CCDC14: variants seen among roughly 807,000 people sequenced by gnomAD.
CCDC14 encodes coiled-coil domain containing 14.
In CCDC14, 71 loss-of-function variants were observed where a neutral mutation model predicts 81.4. The ratio of observed to expected loss-of-function variants is 0.87; its 90% CI spans 0.72 to 1.06. CCDC14 has a LOEUF of 1.06. Ranked by LOEUF, CCDC14 falls within the 50% of genes least tolerant of loss-of-function variation. The pLI is 0.00. For missense variants in CCDC14, 1,046 were observed against 1,047.3 expected, an observed-to-expected ratio of 1.00 and a Z score of 0.02; for synonymous variants, 332 against 364.8, an observed-to-expected ratio of 0.91 and a Z score of 1.03.
At chr3:123,947,370 GTATT>G in intron 7 of CCDC14, 51 bp from the exon 8 acceptor site, 1 of 1,342,740 alleles carries the variant, frequency 7.4e-7, no homozygotes, top group East Asian at 2.3e-5. Flanking sequence ...TCATTTGTAG[GTATT>G]AATTACAACA....
At chr3:123,907,010 A>G (rs1053680057) in intron 5 of CCDC14, among the ~76,000 whole-genome samples, 1 of 152,168 alleles carries the variant, frequency 6.6e-6, no homozygotes, top group Non-Finnish European at 1.5e-5. Flanking sequence ...CTTGGTTTCA[A>G]TAAATAGCTG....
downstream of CCDC14, among the ~76,000 whole-genome samples, chr3:123,908,488 A>G (rs930593656): frequency 1.3e-5 from 2 of 152,226 alleles, no homozygotes; most frequent in African/African-American, 4.8e-5. Flanking sequence ...CTGCTCTTCT[A>G]ATGCACCATG....
At chr3:123,906,057 G>A (rs567233985) in intron 5 of CCDC14, among the ~76,000 whole-genome samples, 18 of 152,122 alleles carry the variant, frequency 1.2e-4, no homozygotes, top group Non-Finnish European at 2.4e-4. Context: ...CAGGCCGGGC[G>A]CAGTGCTCAC....
In CCDC14 at chr3:123,947,313, G is replaced by C; in HGVS notation, c.691C>G (p.Gln231Glu). 6.2e-7 allele frequency: 1 copy of C among 1,603,908 alleles called. No individual in the cohort carries two copies. ...GCAAACTGACTGTTGCCATCAGTTT[G>C]AACTTCCTAAAGAAAGATAAAAACA... ...PCPPKVHSEV[Q>E]TDGNSQFASQ... is the part of the protein sequence containing the mutation. The change falls in exon 8 of 13, where the codon CAA becomes GAA. Residue 231 changes from glutamine (Q) to glutamate (E), a missense_variant. Transcript: ENST00000409697.
chr3:123,933,998 C>A (rs377148431), intron 9 of CCDC14, among the ~76,000 whole-genome samples: 1 of 152,008 alleles, frequency 6.6e-6, no homozygotes, highest in Non-Finnish European at 1.5e-5. Context: ...ATGGGCCAGG[C>A]GCGGTGGCTC....
At chr3:123,939,187 G>C (rs958640153) in intron 9 of CCDC14, among the ~76,000 whole-genome samples, 1 of 151,616 alleles carries the variant, frequency 6.6e-6, no homozygotes, top group Non-Finnish European at 1.5e-5. Context: ...AGAGATTCTC[G>C]GGGCATACTT....
At chr3:123,891,257 T>G in the CCDC14 span, among the ~76,000 whole-genome samples, 1 of 152,228 alleles carries the variant, frequency 6.6e-6, no homozygotes, top group Non-Finnish European at 1.5e-5. Flanking sequence ...GGAGACATTT[T>G]CCCCATTGTC....
intron 9 of CCDC14, among the ~76,000 whole-genome samples, chr3:123,934,222 A>G (rs2035921958): frequency 7.6e-6 from 1 of 132,186 alleles, no homozygotes. Context: ...GCAGTGAGTG[A>G]GATCGCACCA....
At chr3:123,907,470 G>A (rs1577206040) in intron 5 of CCDC14, among the ~76,000 whole-genome samples, 2 of 152,046 alleles carry the variant, frequency 1.3e-5, no homozygotes, top group East Asian at 3.9e-4. Flanking sequence ...CACATTGGGA[G>A]GCCAAGGCAT....
chr3:123,923,096 T>C (rs908190659), intron 12 of CCDC14, among the ~76,000 whole-genome samples: 4 of 152,260 alleles, frequency 2.6e-5, no homozygotes, highest in East Asian at 1.9e-4. Flanking sequence ...TTAAAGGGGA[T>C]TTACATTTGA....
chr3:123,931,306 AC>A lies in CCDC14; in HGVS notation c.1645+1del. 6.5e-7 allele frequency: 1 copy of A among 1,546,454 alleles called. No individual in the cohort carries two copies. The highest frequency in any genetic ancestry group is 1.2e-5 in the South Asian group (1 of 83,254). On this transcript the variant is annotated splice_donor_variant, in intron 11 of 12. Coordinates refer to ENST00000409697, the MANE Select transcript of CCDC14 (RefSeq NM_001366335.1). LOFTEE classifies it high-confidence loss of function. ...GACCATAACTACTGTCTAAATACGT[AC>A]CAATTTTTATTCTTGTTATCTCAAT...
chr3:123,917,897 AAT>A (rs3052363), intron 12 of CCDC14, among the ~76,000 whole-genome samples: 18,388 of 152,026 alleles, frequency 0.12, 2,668 homozygotes, highest in East Asian at 0.36. Flanking sequence ...TATATTAATA[AAT>A]ATATTAGTTA....
the CCDC14 span, among the ~76,000 whole-genome samples, chr3:123,891,075 A>G: frequency 3.9e-5 from 6 of 152,202 alleles, no homozygotes; most frequent in Non-Finnish European, 7.3e-5. Flanking sequence ...CCACAGCCCA[A>G]GCTCTATATT....
downstream of CCDC14, among the ~76,000 whole-genome samples, chr3:123,912,519 T>C (rs2034471481): frequency 6.6e-6 from 1 of 152,146 alleles, no homozygotes; most frequent in Admixed American, 6.5e-5. Context: ...TCCTCTGTAG[T>C]TCCTATTTGG....
intron 9 of CCDC14, among the ~76,000 whole-genome samples, chr3:123,934,786 A>C (rs1422935794): frequency 6.6e-6 from 1 of 152,158 alleles, no homozygotes; most frequent in East Asian, 1.9e-4. Flanking sequence ...TATTTTTGGT[A>C]CTAACTCTAA....
rs528607798 is a variant in CCDC14 at position 123,940,186 on chromosome 3, G to C, written c.1343+4663C>G. Among the ~76,000 whole-genome samples the C allele has an allele frequency of 3.4e-3, 523 of 151,676 alleles. 4 individuals carry two copies. Among genetic ancestry groups the C allele is most frequent in the African/African-American group, 0.012 (487 of 41,434 alleles). On this transcript the variant is annotated intron_variant, in intron 9 of 12. Coordinates refer to ENST00000409697, the MANE Select transcript of CCDC14 (RefSeq NM_001366335.1). ...AAAACAACAAAACAAAAAACTTCAG[G>C]CTTCACAATACTTAAGTTCTAGTGG...
At chr3:123,886,316 T>A in the CCDC14 span, among the ~76,000 whole-genome samples, 1 of 151,868 alleles carries the variant, frequency 6.6e-6, no homozygotes, top group African/African-American at 2.4e-5. Flanking sequence ...AGTTTTTTTG[T>A]TTTTTCTTTC....
chr3:123,897,791 A>G (rs2034098289), intron 5 of CCDC14, among the ~76,000 whole-genome samples: 1 of 152,194 alleles, frequency 6.6e-6, no homozygotes, highest in South Asian at 2.1e-4. Context: ...AGTTTATCTT[A>G]GAAACAATAG....
rs144567081 is a variant in CCDC14 at position 123,945,969 on chromosome 3, A to G, written c.1201+834T>C. ...TAAAACACTTAGCACTGTGCTGGACACATGGTAAGTGTTCAATAAATGACA... is the reference window on the plus strand; with the variant it reads ...TAAAACACTTAGCACTGTGCTGGACGCATGGTAAGTGTTCAATAAATGACA... On this transcript the variant is annotated intron_variant, in intron 8 of 12. Transcript: ENST00000409697. 6.6e-5 allele frequency among the ~76,000 whole-genome samples: 10 copies of G among 152,268 alleles called. No individual in the cohort carries two copies. The East Asian group carries it at 1.9e-3, about 29-fold the overall frequency.
Sources: gnomAD v4.1 joint callset for allele counts (sites outside exome capture counted in the v4.1 genomes callset) on GRCh38, gnomAD v4.1.1 for gene constraint, MANE v1.5 for transcripts, NCBI Gene and HGNC (gene_info 2026-07-23, HGNC 2026-07-21) for gene names.